The following UBR3 variants were observed in gnomAD, a reference collection of about 807,000 sequenced individuals.
The protein encoded by UBR3 is ubiquitin protein ligase E3 component n-recognin 3, also known as E3 ubiquitin-protein ligase UBR3.
UBR3 carries 85 observed loss-of-function variants against 243.2 expected under a neutral mutation model. The observed-to-expected ratio is 0.35, with a 90% CI of 0.29 to 0.42. The LOEUF (loss-of-function observed/expected upper bound fraction) is 0.42. Among genes scored for constraint, UBR3 ranks in the 10% least tolerant of loss-of-function variants. The pLI is 1.00. For missense variants in UBR3, 1,686 were observed against 2,300.8 expected (o/e 0.73, Z 5.47); for synonymous variants, 748 against 799.8 (o/e 0.94, Z 1.09).
At chr2:170,007,272 AC>A (rs2089947532) in intron 28 of UBR3, 82 bp downstream of exon 28, 11 of 1,411,884 alleles carry the variant, frequency 7.8e-6, no homozygotes, top group African/African-American at 1.4e-5. Context: ...TTTATAAATT[AC>A]TCTGGACTTT....
intron 18 of UBR3, among the ~76,000 whole-genome samples, chr2:169,930,380 TG>T (rs1467947848): frequency 6.6e-6 from 1 of 151,230 alleles, no homozygotes; most frequent in African/African-American, 2.4e-5. Flanking sequence ...GGAAATTAGT[TG>T]TTTTTTTTTT....
At chr2:170,036,609 G>A (rs891219459) in intron 31 of UBR3, among the ~76,000 whole-genome samples, 15 of 152,004 alleles carry the variant, frequency 9.9e-5, no homozygotes, top group Admixed American at 9.8e-4. Flanking sequence ...TTCTAGCAAA[G>A]TTAAGTATTT....
chr2:170,063,599 C>T (rs1328039484), intron 35 of UBR3, among the ~76,000 whole-genome samples: 5 of 152,118 alleles, frequency 3.3e-5, no homozygotes, highest in Admixed American at 3.3e-4. Context: ...TTAAATTGCA[C>T]ACCATTCTGA....
chr2:170,007,441 T>C (rs2089953061), intron 28 of UBR3, among the ~76,000 whole-genome samples: 1 of 152,292 alleles, frequency 6.6e-6, no homozygotes, highest in Admixed American at 6.5e-5. Flanking sequence ...CCTATAGGTT[T>C]AGATGGAGTT....
At chr2:169,857,278 T>C (rs1423913971) in intron 1 of UBR3, among the ~76,000 whole-genome samples, 1 of 151,948 alleles carries the variant, frequency 6.6e-6, no homozygotes, top group Non-Finnish European at 1.5e-5. Context: ...CTTCGCCACA[T>C]TGGCCAGGCT....
intron 32 of UBR3, among the ~76,000 whole-genome samples, chr2:170,047,144 C>T (rs2091107731): frequency 6.6e-6 from 1 of 151,758 alleles, no homozygotes; most frequent in Non-Finnish European, 1.5e-5. Flanking sequence ...CACAGGTGCA[C>T]ACCACCACAT....
intron 23 of UBR3, among the ~76,000 whole-genome samples, chr2:169,952,618 C>T (rs529900797): frequency 1.3e-5 from 2 of 152,156 alleles, no homozygotes; most frequent in South Asian, 4.1e-4. Context: ...TTGCTTGAAC[C>T]TGGGAGACAG....
At chr2:169,978,819 A>G (rs893367223) in intron 24 of UBR3, among the ~76,000 whole-genome samples, 1 of 152,078 alleles carries the variant, frequency 6.6e-6, no homozygotes, top group African/African-American at 2.4e-5. Flanking sequence ...GAAGCAAGTT[A>G]CTAGAGTTGT....
intron 8 of UBR3, among the ~76,000 whole-genome samples, chr2:169,902,743 G>A (rs1300634423): frequency 6.6e-6 from 1 of 151,998 alleles, no homozygotes; most frequent in Non-Finnish European, 1.5e-5. Flanking sequence ...CTGAGTAGTT[G>A]GGATTACAGG....
At chr2:169,997,957 G>T (rs767528408) in intron 26 of UBR3, among the ~76,000 whole-genome samples, 1 of 152,122 alleles carries the variant, frequency 6.6e-6, no homozygotes, top group Non-Finnish European at 1.5e-5. Context: ...GCTTTAAATT[G>T]TCTGTGGTTT....
intron 30 of UBR3, among the ~76,000 whole-genome samples, chr2:170,019,769 T>C (rs2090339640): frequency 6.6e-6 from 1 of 152,162 alleles, no homozygotes; most frequent in Admixed American, 6.6e-5. Context: ...TAATGAGTTT[T>C]TACAAAATTA....
chr2:169,893,718 C>T (rs1003322799), intron 6 of UBR3, among the ~76,000 whole-genome samples: 3 of 152,092 alleles, frequency 2.0e-5, no homozygotes, highest in Non-Finnish European at 4.4e-5. Context: ...CATGCCACCC[C>T]ACCTGGCTGA....
At chr2:170,001,939 A>AAAAAAAG (rs1553531165) in intron 27 of UBR3, among the ~76,000 whole-genome samples, 122 of 115,644 alleles carry the variant, frequency 1.1e-3, no homozygotes, top group East Asian at 1.9e-3. Context: ...AAAAAAAAAA[A>AAAAAAAG]AAAGAAAGAA....
intron 18 of UBR3, among the ~76,000 whole-genome samples, chr2:169,930,446 GCGCC>G (rs2086079204): frequency 6.6e-6 from 1 of 151,940 alleles, no homozygotes; most frequent in Admixed American, 6.6e-5. Flanking sequence ...GAGTGCAGTG[GCGCC>G]ATCATAGCTC....
intron 24 of UBR3, among the ~76,000 whole-genome samples, chr2:169,961,347 AC>A (rs1165224935): frequency 6.6e-6 from 1 of 150,892 alleles, no homozygotes; most frequent in Non-Finnish European, 1.5e-5. Flanking sequence ...GTATATATAT[AC>A]ATTTTTTTTC....
intron 30 of UBR3, among the ~76,000 whole-genome samples, chr2:170,027,553 G>T (rs1230509640): frequency 2.0e-5 from 3 of 151,660 alleles, no homozygotes; most frequent in Non-Finnish European, 4.4e-5. Context: ...CTATGCTTTT[G>T]ATTAAATTAG....
intron 1 of UBR3, among the ~76,000 whole-genome samples, chr2:169,835,998 TCTCTCTCTCTCTCTCTCTCTC>T (rs2082077653): frequency 3.4e-4 from 11 of 32,096 alleles, no homozygotes; most frequent in South Asian, 1.9e-3. Flanking sequence ...GCACTGTCTC[TCTCTCTCTCTCTCTCTCTCTC>T]TCTCTCTCTC....
chr2:169,966,893 T>C (rs1165037854), intron 24 of UBR3, among the ~76,000 whole-genome samples: 1 of 152,186 alleles, frequency 6.6e-6, no homozygotes, highest in African/African-American at 2.4e-5. Flanking sequence ...TTTTTTCTAA[T>C]ATTAATGATA....
At chr2:169,922,653 C>T (rs548136853) in intron 11 of UBR3, among the ~76,000 whole-genome samples, 3 of 152,264 alleles carry the variant, frequency 2.0e-5, no homozygotes, top group Non-Finnish European at 2.9e-5. Context: ...TGTATCTCTA[C>T]GAATTTGGCT....
Sources: gnomAD v4.1 joint callset for allele counts (sites outside exome capture counted in the v4.1 genomes callset) on GRCh38, gnomAD v4.1.1 for gene constraint, MANE v1.5 for transcripts, NCBI Gene and HGNC (gene_info 2026-07-23, HGNC 2026-07-21) for gene names.